The following B3GALT5 variants were observed in gnomAD, a reference collection of about 807,000 sequenced individuals.
B3GALT5 encodes UDP-Gal:betaGlcNAc beta 1,3-galactosyltransferase, polypeptide 5.
For missense variants in B3GALT5, 328 were observed against 396.6 expected (o/e 0.83, Z 1.47); for synonymous variants, 156 against 158.6 (o/e 0.98, Z 0.12).
intron 2 of B3GALT5, among the ~76,000 whole-genome samples, chr21:39,658,191 G>T (rs1030286479): frequency 3.9e-5 from 6 of 152,142 alleles, no homozygotes. Flanking sequence ...ACTTTAGGCA[G>T]GAAAAATGTT....
rs1224568635 is a variant in B3GALT5, at chr21:39,660,704, G to C, written c.145G>C (p.Asp49His). 1.5e-5 allele frequency: 23 copies of C among 1,558,744 alleles called. No individual in the cohort carries two copies. The highest frequency in any genetic ancestry group is 2.0e-5 in the Non-Finnish European group (23 of 1,155,284). The change falls in exon 4 of 4, where the codon GAT (aspartate) becomes CAT (histidine). Residue 49 changes from aspartate to histidine, a missense_variant. Asp to His is a moderately conservative substitution (Grantham distance 81). Coordinates refer to ENST00000684187, the MANE Select transcript of B3GALT5 (RefSeq NM_001356336.2). ...AGACGGGAACTTCCTTAAGCTCCCA[G>C]ATACAGACTGCAGGCAGACACCTCC... ...KKDGNFLKLP[D>H]TDCRQTPPFL...
chr21:39,627,919 A>G (rs2079172667), intron 1 of B3GALT5, among the ~76,000 whole-genome samples: 1 of 152,330 alleles, frequency 6.6e-6, no homozygotes, highest in South Asian at 2.1e-4. Flanking sequence ...TATTATAACT[A>G]TATGTACTTC....
chr21:39,651,002 G>T (rs2079390490), intron 2 of B3GALT5, among the ~76,000 whole-genome samples: 1 of 151,998 alleles, frequency 6.6e-6, no homozygotes, highest in Non-Finnish European at 1.5e-5. Flanking sequence ...TTCTAGAGTG[G>T]CTGGGAATGA....
rs140168160 is a variant in B3GALT5, at chr21:39,641,784, C to T, written c.-391-4608C>T. On this transcript the variant is annotated intron_variant, in intron 1 of 3. Transcript: ENST00000684187. The stretch of plus-strand genomic sequence containing the variant: ...TCTTCATATATTCTATCATATAATA[C>T]ATGCTCTCTTTCTCCTGGTCTCTCT... 4.1e-3 allele frequency among the ~76,000 whole-genome samples: 624 copies of T among 152,294 alleles called. 5 individuals carry two copies. The highest frequency in any genetic ancestry group is 0.023 in the East Asian group (119 of 5,186).
chr21:39,651,048 C>T (rs563715204), intron 2 of B3GALT5, among the ~76,000 whole-genome samples: 3 of 152,124 alleles, frequency 2.0e-5, no homozygotes, highest in African/African-American at 4.8e-5. Flanking sequence ...TCGGTGCCAT[C>T]GTGGTTTTGA....
rs734411 is a variant in B3GALT5, at chr21:39,660,990, G to A, written c.431G>A (p.Arg144His). The change falls in exon 4 of 4, where the codon CGC (arginine) becomes CAC (histidine). Residue 144 changes from arginine to histidine, a missense_variant. Arg to His is a conservative substitution (Grantham distance 29). Coordinates refer to ENST00000684187, the MANE Select transcript of B3GALT5 (RefSeq NM_001356336.2). ...KTMMGIEWVHRFCPQAAFVMK... is the reference protein window; with the variant it reads ...KTMMGIEWVHHFCPQAAFVMK... ...ATGATGGGCATAGAATGGGTCCATC[G>A]CTTTTGTCCTCAGGCGGCGTTTGTG... 929 of 1,611,980 alleles carry A rather than the reference G, an allele frequency of 5.8e-4. 8 individuals carry two copies. In the African/African-American group the frequency reaches 0.011, roughly 20 times the overall value.
chr21:39,659,709 A>G, intron 2 of B3GALT5, 44 bp from the exon 3 acceptor site: 1 of 974,242 alleles, frequency 1.0e-6, no homozygotes, highest in Non-Finnish European at 1.2e-6. Flanking sequence ...CCTGCTGGTA[A>G]GGCACGAGTG....
intron 1 of B3GALT5, among the ~76,000 whole-genome samples, chr21:39,624,666 A>G (rs1195372295): frequency 1.3e-5 from 2 of 152,230 alleles, no homozygotes; most frequent in Non-Finnish European, 2.9e-5. Flanking sequence ...CATTCCATAG[A>G]CAATGCTGCA....
intron 1 of B3GALT5, among the ~76,000 whole-genome samples, chr21:39,623,639 A>C (rs1229465960): frequency 1.3e-5 from 2 of 152,036 alleles, no homozygotes; most frequent in Non-Finnish European, 2.9e-5. Flanking sequence ...GGTATCTTCT[A>C]TATGTATTAT....
intron 1 of B3GALT5, among the ~76,000 whole-genome samples, chr21:39,629,525 T>C (rs990033930): frequency 2.0e-5 from 3 of 152,216 alleles, no homozygotes; most frequent in African/African-American, 7.2e-5. Flanking sequence ...CTATTTTCTA[T>C]AAAACTTTTT....
At chr21:39,634,785 A>G (rs1459750146) in intron 1 of B3GALT5, among the ~76,000 whole-genome samples, 1 of 152,112 alleles carries the variant, frequency 6.6e-6, no homozygotes, top group Admixed American at 6.5e-5. Flanking sequence ...CTTGAACCCG[A>G]GGAACAGAAG....
At chr21:39,623,428 T>C (rs1422742659) in intron 1 of B3GALT5, among the ~76,000 whole-genome samples, 1 of 152,138 alleles carries the variant, frequency 6.6e-6, no homozygotes, top group Non-Finnish European at 1.5e-5. Flanking sequence ...TTGTGTCCTG[T>C]ATCCCTTGAC....
intron 1 of B3GALT5, among the ~76,000 whole-genome samples, chr21:39,628,947 G>A (rs560356254): frequency 6.6e-6 from 1 of 152,248 alleles, no homozygotes; most frequent in South Asian, 2.1e-4. Flanking sequence ...TAACTAAAAA[G>A]TGGTTGACTT....
chr21:39,616,866 C>T (rs1415808777), intron 1 of B3GALT5, among the ~76,000 whole-genome samples: 1 of 152,178 alleles, frequency 6.6e-6, no homozygotes, highest in Non-Finnish European at 1.5e-5. Flanking sequence ...AGGATACACT[C>T]AGGTTTTGGA....
chr21:39,623,940 A>G (rs896573810), intron 1 of B3GALT5, among the ~76,000 whole-genome samples: 2 of 152,194 alleles, frequency 1.3e-5, no homozygotes, highest in African/African-American at 4.8e-5. Context: ...AACCCTCTTC[A>G]TGTATCTGCT....
At chr21:39,645,469 G>T (rs539755222) in intron 1 of B3GALT5, among the ~76,000 whole-genome samples, 1 of 152,290 alleles carries the variant, frequency 6.6e-6, no homozygotes, top group East Asian at 1.9e-4. Flanking sequence ...GGAGGTAGGG[G>T]TTCATGATGG....
intron 2 of B3GALT5, among the ~76,000 whole-genome samples, chr21:39,652,969 A>G (rs966798490): frequency 6.6e-6 from 1 of 152,200 alleles, no homozygotes; most frequent in Admixed American, 6.5e-5. Flanking sequence ...ACATGGTACA[A>G]TTTGCATATA....
At chr21:39,626,704 A>G (rs899674308) in intron 1 of B3GALT5, among the ~76,000 whole-genome samples, 5 of 152,074 alleles carry the variant, frequency 3.3e-5, no homozygotes, top group African/African-American at 4.8e-5. Context: ...GATGTTGAGC[A>G]TCTTTTCATG....
intron 2 of B3GALT5, among the ~76,000 whole-genome samples, chr21:39,654,961 T>C (rs2079428292): frequency 6.6e-6 from 1 of 152,254 alleles, no homozygotes; most frequent in Non-Finnish European, 1.5e-5. Flanking sequence ...TTTTATGATA[T>C]TTGCTTTATT....
Sources: gnomAD v4.1 joint callset for allele counts (sites outside exome capture counted in the v4.1 genomes callset) on GRCh38, gnomAD v4.1.1 for gene constraint, MANE v1.5 for transcripts, NCBI Gene and HGNC (gene_info 2026-07-23, HGNC 2026-07-21) for gene names.